Variants in KCNQ1 observed in about 807,000 individuals in gnomAD.
KCNQ1 encodes the protein potassium voltage-gated channel subfamily Q member 1.
Under a neutral mutation model 72.4 loss-of-function variants are expected in KCNQ1, and 49 were observed. That is an observed-to-expected ratio of 0.68 (90% CI 0.54 to 0.86). The LOEUF (loss-of-function observed/expected upper bound fraction) is 0.86, where lower values mean the gene tolerates loss of function less well. Among genes scored for constraint, KCNQ1 ranks in the 40% least tolerant of loss-of-function variants. The pLI is 0.00. For synonymous variants in KCNQ1, 450 were observed against 412.6 expected, an observed-to-expected ratio of 1.09 and a Z score of -1.10; for missense variants, 790 against 945.1, an observed-to-expected ratio of 0.84 and a Z score of 2.15.
chr11:2,676,885 G>A lies in KCNQ1; in HGVS notation c.1514+14804G>A. The A allele has an allele frequency of 2.5e-6, 1 of 398,612 alleles. No homozygotes were observed. The allele number at this position is 398,612 out of a possible 1,614,324, so 24.7% of individuals were successfully genotyped here. On this transcript the variant is annotated intron_variant, in intron 11 of 15. Transcript: ENST00000155840. This position sits in a 1 kb window ranked among gnomAD's most constrained non-coding sequence, Gnocchi z 4.2. ...GGGGAGCCCTTTCATTTCTTAGTAA[G>A]TGTTCAGCCCCAGTGTGCACCACTT...
At position 2,550,881 on chromosome 11, in the gene KCNQ1, A is replaced by AG. The variant is rs530516812; in HGVS notation, c.478-19739dup. On this transcript the variant is annotated intron_variant, in intron 2 of 15. Coordinates refer to ENST00000155840, the MANE Select transcript of KCNQ1 (RefSeq NM_000218.3). This position sits in a 1 kb window ranked among gnomAD's most constrained non-coding sequence, Gnocchi z 6.0. Reference sequence around the variant, plus strand: ...GGGTGCCTGGGGAGGCTGCCAAGTGAGGGGGGGGCACAGACTGAGACAGGG... The same window carrying AG: ...GGGTGCCTGGGGAGGCTGCCAAGTGAGGGGGGGGGCACAGACTGAGACAGGG... Among the ~76,000 whole-genome samples, 219 of 150,418 alleles carry AG rather than the reference A, an allele frequency of 1.5e-3. 2 individuals carry two copies. Among genetic ancestry groups the AG allele is most frequent in the African/African-American group, 4.3e-3 (174 of 40,906 alleles).
chr11:2,839,536 ACC>A (rs57823802), intron 15 of KCNQ1, among the ~76,000 whole-genome samples: 1 of 151,684 alleles, frequency 6.6e-6, no homozygotes, highest in African/African-American at 2.4e-5. Flanking sequence ...GCACACATAG[ACC>A]CCCTGGGGGC....
chr11:2,479,865 A>G lies in KCNQ1; in HGVS notation c.386+34381A>G, dbSNP rs1432513176. ...CCTTTCAAAACTGAATGCTTTTAAC[A>G]ACACCCAAGTCACCTCTTGAAAGCT... On this transcript the variant is annotated intron_variant, in intron 1 of 15. Coordinates refer to ENST00000155840, the MANE Select transcript of KCNQ1 (RefSeq NM_000218.3). This position sits in a 1 kb window ranked among gnomAD's most constrained non-coding sequence, Gnocchi z 4.6. Among the ~76,000 whole-genome samples, 1 of 152,196 alleles carries G rather than the reference A, an allele frequency of 6.6e-6. No homozygotes were observed. The highest frequency in any genetic ancestry group is 2.4e-5 in the African/African-American group (1 of 41,448).
Position 2,654,144 on chromosome 11 carries a change from T to A in KCNQ1, c.1394-7817T>A. On this transcript the variant is annotated intron_variant, in intron 10 of 15. Coordinates refer to ENST00000155840, the MANE Select transcript of KCNQ1 (RefSeq NM_000218.3). This position sits in a 1 kb window ranked among gnomAD's most constrained non-coding sequence, Gnocchi z 6.4. ...GTGGCGGGGCCACTCTGGCTCAGGG[T>A]CTATGAGCCGGGCATGGGCAGCTGG... 1 of 398,320 alleles carries A rather than the reference T, an allele frequency of 2.5e-6. No individual in the cohort carries two copies. The highest frequency in any genetic ancestry group is 4.4e-6 in the Non-Finnish European group (1 of 225,936). The allele number at this position is 398,320 out of a possible 1,614,324, so 24.7% of individuals were successfully genotyped here.
intron 15 of KCNQ1, among the ~76,000 whole-genome samples, chr11:2,794,073 G>A (rs960140740): frequency 6.6e-6 from 1 of 152,212 alleles, no homozygotes; most frequent in African/African-American, 2.4e-5. Flanking sequence ...GCTGGTGAGC[G>A]AGGGATGGCC....
intron 10 of KCNQ1, chr11:2,632,035 T>C (rs969899761): frequency 1.8e-5 from 7 of 395,760 alleles, no homozygotes; most frequent in African/African-American, 1.2e-4. Context: ...ACAAAAACAT[T>C]AGCCAGGCAT....
intron 2 of KCNQ1, 105 bp downstream of exon 2, chr11:2,528,123 C>T (rs1847544057): frequency 1.0e-6 from 1 of 982,622 alleles, no homozygotes; most frequent in Non-Finnish European, 1.6e-6. Context: ...ACTCCCAGCC[C>T]CTTGCCCACA....
At chr11:2,793,996 C>T (rs1245714097) in intron 15 of KCNQ1, among the ~76,000 whole-genome samples, 1 of 152,118 alleles carries the variant, frequency 6.6e-6, no homozygotes, top group Non-Finnish European at 1.5e-5. Context: ...CCAGTGTGTG[C>T]AGCCTTGCAA....
At position 2,750,314 on chromosome 11, in the gene KCNQ1, G is replaced by A. The variant is rs1846208652; in HGVS notation, c.1515-18530G>A. Among the ~76,000 whole-genome samples, 1 of 152,204 alleles carries A rather than the reference G, an allele frequency of 6.6e-6. No individual in the cohort carries two copies. Among genetic ancestry groups the A allele is most frequent in the African/African-American group, 2.4e-5 (1 of 41,442 alleles). The stretch of plus-strand genomic sequence containing the variant: ...CATGGGAGACGGGGGTATAGCTGTT[G>A]GGCTTGTGGCTGGCCTGGCCTAACC... On this transcript the variant is annotated intron_variant, in intron 11 of 15. Coordinates refer to ENST00000155840, the MANE Select transcript of KCNQ1 (RefSeq NM_000218.3). The surrounding 1 kb of genome is among the most constrained non-coding windows in gnomAD (Gnocchi z 6.3).
intron 10 of KCNQ1, chr11:2,633,493 T>C (rs1037833352): frequency 7.5e-6 from 3 of 398,492 alleles, no homozygotes; most frequent in Non-Finnish European, 1.3e-5. Flanking sequence ...CTAGTACTGT[T>C]TGCTTCAGGT....
At position 2,475,654 on chromosome 11, in the gene KCNQ1, G is replaced by A. The variant is rs1048028230; in HGVS notation, c.386+30170G>A. ...CTGTAACTTTCATGAAGACAGTGAC[G>A]TGGTTTGTCACTGCCCGGATCTCAT... On this transcript the variant is annotated intron_variant, in intron 1 of 15. Coordinates refer to ENST00000155840, the MANE Select transcript of KCNQ1 (RefSeq NM_000218.3). The surrounding 1 kb of genome is among the most constrained non-coding windows in gnomAD (Gnocchi z 5.8). 2.6e-5 allele frequency among the ~76,000 whole-genome samples: 4 copies of A among 152,172 alleles called. No individual in the cohort carries two copies. Among genetic ancestry groups the A allele is most frequent in the Admixed American group, 6.5e-5 (1 of 15,270 alleles).
chr11:2,522,205 G>GCC (rs369303724), intron 1 of KCNQ1, among the ~76,000 whole-genome samples: 78,572 of 151,736 alleles, frequency 0.52, 21,464 homozygotes, highest in Non-Finnish European at 0.62. Flanking sequence ...GCAGCTCCCC[G>GCC]CCCCCCGCAT....
At chr11:2,839,094 G>A (rs1472016877) in intron 15 of KCNQ1, among the ~76,000 whole-genome samples, 1 of 152,258 alleles carries the variant, frequency 6.6e-6, no homozygotes, top group African/African-American at 2.4e-5. Flanking sequence ...CTGCCGGCAG[G>A]AAGCTCCTGA....
At chr11:2,552,468 C>G (rs909112456) in intron 2 of KCNQ1, among the ~76,000 whole-genome samples, 1 of 152,164 alleles carries the variant, frequency 6.6e-6, no homozygotes, top group Non-Finnish European at 1.5e-5. Flanking sequence ...GACTTTTACG[C>G]TAAGCCTTGA....
rs750206575 is a variant in KCNQ1, at chr11:2,479,089, G to A, written c.386+33605G>A. Among the ~76,000 whole-genome samples, 36 of 152,326 alleles carry A rather than the reference G, an allele frequency of 2.4e-4. No individual in the cohort carries two copies. The highest frequency in any genetic ancestry group is 5.2e-4 in the Admixed American group (8 of 15,304). Reference sequence around the variant, plus strand: ...GCAAGAGGTGGGTTCCCATAGTCTTGAGCAGCTCTGCCCCTCTGGCTTTGC... The same window carrying A: ...GCAAGAGGTGGGTTCCCATAGTCTTAAGCAGCTCTGCCCCTCTGGCTTTGC... On this transcript the variant is annotated intron_variant, in intron 1 of 15. Coordinates refer to ENST00000155840, the MANE Select transcript of KCNQ1 (RefSeq NM_000218.3). The surrounding 1 kb of genome is among the most constrained non-coding windows in gnomAD (Gnocchi z 4.6).
chr11:2,524,817 A>C (rs1419037412), intron 1 of KCNQ1, among the ~76,000 whole-genome samples: 1 of 152,146 alleles, frequency 6.6e-6, no homozygotes, highest in African/African-American at 2.4e-5. Flanking sequence ...GAGGCAGGGG[A>C]GCTGCCTGGG....
chr11:2,662,090 C>T lies in KCNQ1; in HGVS notation c.1514+9C>T, dbSNP rs770840921. On this transcript the variant is annotated intron_variant, in intron 11 of 15. Coordinates refer to ENST00000155840, the MANE Select transcript of KCNQ1 (RefSeq NM_000218.3). ...ATCACCCACATCTCACAGTGAGTGC[C>T]TACATGTGCGTGAAGGGCTGGGCTG... 42 of 1,614,066 alleles carry T rather than the reference C, an allele frequency of 2.6e-5. No individual in the cohort carries two copies. The highest frequency in any genetic ancestry group is 3.5e-5 in the Non-Finnish European group (41 of 1,180,052).
At position 2,767,985 on chromosome 11, in the gene KCNQ1, A is replaced by C. The variant is rs559567294; in HGVS notation, c.1515-859A>C. On this transcript the variant is annotated intron_variant, in intron 11 of 15. Coordinates refer to ENST00000155840, the MANE Select transcript of KCNQ1 (RefSeq NM_000218.3). This position sits in a 1 kb window ranked among gnomAD's most constrained non-coding sequence, Gnocchi z 4.6. ...GCTCCCCAAACTGACAAGTGCCCTG[A>C]GGAGGAAACGCTCGGATGCAGGCGC... Among the ~76,000 whole-genome samples the C allele has an allele frequency of 2.6e-5, 4 of 152,310 alleles. No homozygotes were observed. The East Asian group carries it at 7.7e-4, about 29-fold the overall frequency.
chr11:2,562,210 G>A lies in KCNQ1; in HGVS notation c.478-8418G>A, dbSNP rs551534850. The stretch of plus-strand genomic sequence containing the variant: ...GCGGGGTGGGGACTGGTACTCCCCG[G>A]GGGGTGGGGGTGAGGGCGGGGGTGA... On this transcript the variant is annotated intron_variant, in intron 2 of 15. Transcript: ENST00000155840. This position sits in a 1 kb window ranked among gnomAD's most constrained non-coding sequence, Gnocchi z 7.5. Among the ~76,000 whole-genome samples, 6 of 152,166 alleles carry A rather than the reference G, an allele frequency of 3.9e-5. No individual in the cohort carries two copies. In the South Asian group the frequency reaches 1.2e-3, roughly 32 times the overall value.
Sources: gnomAD v4.1 joint callset for allele counts (sites outside exome capture counted in the v4.1 genomes callset) on GRCh38, gnomAD v4.1.1 for gene constraint, Gnocchi (gnomAD v3.1) non-coding constraint, MANE v1.5 for transcripts, NCBI Gene and HGNC (gene_info 2026-07-23, HGNC 2026-07-21) for gene names.